COL28A1: variants seen among roughly 807,000 people sequenced by gnomAD.
COL28A1 encodes the protein collagen type XXVIII alpha 1 chain, also known as collagen alpha-1(XXVIII) chain.
In COL28A1, 161 loss-of-function variants were observed where a neutral mutation model predicts 150.2. The observed-to-expected ratio is 1.07, with a 90% CI of 0.94 to 1.22. COL28A1 has a LOEUF of 1.22. Ranked by LOEUF, COL28A1 falls within the 50% of genes most tolerant of loss-of-function variation. The pLI, the probability that COL28A1 is intolerant of heterozygous loss-of-function variation, is 0.00. For missense variants in COL28A1, 1,617 were observed against 1,388.3 expected (o/e 1.16, Z -2.62); for synonymous variants, 552 against 469.7 (o/e 1.18, Z -2.26).
intron 1 of COL28A1, among the ~76,000 whole-genome samples, chr7:7,533,962 G>A (rs1348391278): frequency 6.6e-6 from 1 of 152,152 alleles, no homozygotes; most frequent in Non-Finnish European, 1.5e-5. Flanking sequence ...CTTGCCTTTA[G>A]GGGATAAGAA....
chr7:7,504,612 C>T (rs1780711566), intron 11 of COL28A1, among the ~76,000 whole-genome samples: 1 of 152,236 alleles, frequency 6.6e-6, no homozygotes, highest in Non-Finnish European at 1.5e-5. Context: ...TCACCCAAAG[C>T]TGCAGGCACT....
Position 7,419,912 on chromosome 7 carries a change from A to G in COL28A1, c.2040T>C (p.Pro680=), listed in dbSNP as rs1470067694. 1 of 1,602,332 alleles carries G rather than the reference A, an allele frequency of 6.2e-7. No individual in the cohort carries two copies. The highest frequency in any genetic ancestry group is 1.7e-5 in the Admixed American group (1 of 58,088). Residue 680 remains proline (P), a synonymous_variant, in exon 26 of 35, where the codon CCT becomes CCC. Coordinates refer to ENST00000399429, the MANE Select transcript of COL28A1 (RefSeq NM_001037763.3). ...TTGGCCCTTGGGTTCCTACGCCCCG[A>G]GGCCCAGAAGGACCTGGAGGGCCTC... ...GVRGPPGPSG[P]RGVGTQGPKG...
At chr7:7,534,292 T>C (rs1378391775) in intron 1 of COL28A1, among the ~76,000 whole-genome samples, 1 of 152,058 alleles carries the variant, frequency 6.6e-6, no homozygotes, top group Non-Finnish European at 1.5e-5. Flanking sequence ...CAGCTGGGTA[T>C]TAAAAACAAA....
intron 27 of COL28A1, among the ~76,000 whole-genome samples, chr7:7,406,737 T>A (rs531190715): frequency 1.3e-5 from 2 of 152,182 alleles, no homozygotes; most frequent in South Asian, 4.1e-4. Flanking sequence ...TGAATATTGT[T>A]TTTGAGGAAC....
At chr7:7,390,305 C>A (rs913439385) in intron 27 of COL28A1, among the ~76,000 whole-genome samples, 1 of 152,114 alleles carries the variant, frequency 6.6e-6, no homozygotes, top group Non-Finnish European at 1.5e-5. Context: ...ACTTGATTTG[C>A]GTATGTTGAA....
At chr7:7,420,162 C>T (rs1444454129) in intron 25 of COL28A1, 5 of 353,634 alleles carry the variant, frequency 1.4e-5, no homozygotes, top group African/African-American at 8.4e-5. Context: ...CAATTAACTT[C>T]TTGGCAACAT....
intron 25 of COL28A1, among the ~76,000 whole-genome samples, chr7:7,422,629 C>T (rs1343464613): frequency 6.8e-6 from 1 of 147,704 alleles, no homozygotes; most frequent in African/African-American, 2.5e-5. Flanking sequence ...ACTCTGTCTC[C>T]AAAAAAGAAA....
chr7:7,436,254 T>A (rs534862461), intron 23 of COL28A1, 141 bp downstream of exon 23: 16 of 657,146 alleles, frequency 2.4e-5, no homozygotes, highest in Admixed American at 1.4e-4. Context: ...CTTGTTTTTT[T>A]AAAAAAAGGG....
intron 32 of COL28A1, among the ~76,000 whole-genome samples, chr7:7,372,039 G>A (rs1464897025): frequency 6.6e-6 from 1 of 151,876 alleles, no homozygotes; most frequent in Non-Finnish European, 1.5e-5. Context: ...CACCATGCTG[G>A]CCAGGCTGGT....
chr7:7,407,290 AAC>A (rs1346196460), intron 27 of COL28A1, among the ~76,000 whole-genome samples: 5 of 152,146 alleles, frequency 3.3e-5, no homozygotes, highest in African/African-American at 1.2e-4. Flanking sequence ...TTGAAAATAT[AAC>A]ACAGAGAATT....
In COL28A1 at chr7:7,463,437, T is replaced by C. The variant is rs968470658; in HGVS notation, c.1303-7325A>G. On this transcript the variant is annotated intron_variant, in intron 15 of 34. Transcript: ENST00000399429. ...TGAAATCTTTCCTGTATAGGTAACC[T>C]ATAAAGGAAAACCTATCAGATTAAC... Among the ~76,000 whole-genome samples, 3 of 152,178 alleles carry C rather than the reference T, an allele frequency of 2.0e-5. No homozygotes were observed. In the East Asian group the frequency reaches 5.8e-4, roughly 29 times the overall value.
At chr7:7,522,807 A>C (rs1402114721) in intron 4 of COL28A1, among the ~76,000 whole-genome samples, 5 of 10,442 alleles carry the variant, frequency 4.8e-4, no homozygotes, top group African/African-American at 1.4e-3. Context: ...GCTGAAGAGC[A>C]AAAAAAAAAA....
chr7:7,534,287 G>A (rs1008698228), intron 1 of COL28A1, among the ~76,000 whole-genome samples: 2 of 152,100 alleles, frequency 1.3e-5, no homozygotes, highest in Non-Finnish European at 2.9e-5. Flanking sequence ...AAAGACAGCT[G>A]GGTATTAAAA....
intron 13 of COL28A1, among the ~76,000 whole-genome samples, chr7:7,479,236 A>G (rs1789197142): frequency 6.6e-6 from 1 of 152,238 alleles, no homozygotes; most frequent in African/African-American, 2.4e-5. Flanking sequence ...GAATCCTTCT[A>G]GTCAACTCAA....
chr7:7,365,740 C>T (rs1201848313), intron 33 of COL28A1, among the ~76,000 whole-genome samples: 2 of 152,140 alleles, frequency 1.3e-5, no homozygotes, highest in African/African-American at 2.4e-5. Flanking sequence ...TTAGCATATT[C>T]CCAGGAGTGT....
chr7:7,360,629 G>T, intron 33 of COL28A1, 101 bp from the exon 34 acceptor site: 1 of 1,022,216 alleles, frequency 9.8e-7, no homozygotes, highest in Non-Finnish European at 1.4e-6. Flanking sequence ...GCCATGCTGT[G>T]TTTCCCTAGC....
intron 27 of COL28A1, among the ~76,000 whole-genome samples, chr7:7,396,272 A>G (rs1583286016): frequency 1.3e-5 from 2 of 152,200 alleles, no homozygotes; most frequent in East Asian, 3.9e-4. Flanking sequence ...TTGTGTGCCC[A>G]TGTGCAAAGA....
At position 7,423,955 on chromosome 7, in the gene COL28A1, A is replaced by G. The variant is rs539903091; in HGVS notation, c.1999-4002T>C. Among the ~76,000 whole-genome samples, 389 of 152,306 alleles carry G rather than the reference A, an allele frequency of 2.6e-3. 1 individual carries two copies. The highest frequency in any genetic ancestry group is 8.8e-3 in the African/African-American group (367 of 41,558). On this transcript the variant is annotated intron_variant, in intron 25 of 34. Coordinates refer to ENST00000399429, the MANE Select transcript of COL28A1 (RefSeq NM_001037763.3). ...CCCGCAGCCTCAGCCAATGAATTTA[A>G]GATGTGTTCCATGTCATCTGTGGTC...
chr7:7,366,974 G>A (rs936217591), intron 33 of COL28A1, among the ~76,000 whole-genome samples: 9 of 152,356 alleles, frequency 5.9e-5, no homozygotes, highest in East Asian at 3.9e-4. Flanking sequence ...GTGTGTGTGT[G>A]TGCGCGCGTG....
Sources: gnomAD v4.1 joint callset for allele counts (sites outside exome capture counted in the v4.1 genomes callset) on GRCh38, gnomAD v4.1.1 for gene constraint, MANE v1.5 for transcripts, NCBI Gene and HGNC (gene_info 2026-07-23, HGNC 2026-07-21) for gene names.